The following CACNA2D2 variants were observed in gnomAD, a reference collection of about 807,000 sequenced individuals.
CACNA2D2 encodes the protein calcium voltage-gated channel auxiliary subunit alpha2delta 2.
CACNA2D2 carries 48 observed loss-of-function variants against 166.4 expected under a neutral mutation model. The observed-to-expected ratio is 0.29, with a 90% confidence interval of 0.23 to 0.37. The LOEUF is 0.37. Among genes scored for constraint, CACNA2D2 ranks in the 10% least tolerant of loss-of-function variants. The probability of loss-of-function intolerance (pLI) is 1.00; values close to 1 mark genes in which losing one functional copy is unlikely to be tolerated. For synonymous variants in CACNA2D2, 561 were observed against 573.7 expected, an observed-to-expected ratio of 0.98 and a Z score of 0.32; for missense variants, 1,122 against 1,433.0, an observed-to-expected ratio of 0.78 and a Z score of 3.50.
chr3:50,432,819 A>G (rs955430003), intron 3 of CACNA2D2, among the ~76,000 whole-genome samples: 12 of 152,222 alleles, frequency 7.9e-5, no homozygotes, highest in African/African-American at 2.9e-4. Flanking sequence ...ACATAGGGAC[A>G]GGCAGGGGAT....
At chr3:50,501,854 C>T (rs1698977367) in intron 1 of CACNA2D2, among the ~76,000 whole-genome samples, 1 of 152,148 alleles carries the variant, frequency 6.6e-6, no homozygotes, top group African/African-American at 2.4e-5. Flanking sequence ...CCTGAACTTC[C>T]ATTCGATTCT....
chr3:50,482,343 C>A (rs1698088521), intron 1 of CACNA2D2, among the ~76,000 whole-genome samples: 1 of 152,216 alleles, frequency 6.6e-6, no homozygotes, highest in South Asian at 2.1e-4. Context: ...GGGTGGATGT[C>A]CCTCTATACC....
intron 2 of CACNA2D2, among the ~76,000 whole-genome samples, chr3:50,450,076 G>C (rs1378836448): frequency 1.3e-5 from 2 of 152,134 alleles, no homozygotes; most frequent in Non-Finnish European, 2.9e-5. Flanking sequence ...GCTAAAGGTG[G>C]CCCCCAGGTC....
intron 3 of CACNA2D2, among the ~76,000 whole-genome samples, chr3:50,430,943 C>G (rs1343421260): frequency 6.6e-6 from 1 of 152,158 alleles, no homozygotes; most frequent in African/African-American, 2.4e-5. Context: ...CTGGCCTGCT[C>G]CCTCCTGACT....
rs532190841 is a variant in CACNA2D2, at chr3:50,423,716, G to A, written c.405+10597C>T. ...TCCCATTTGTCAAGGCACAGAGTGGGCAAACACAGGAGGCTGCAACAAAGG... is the reference window on the plus strand; with the variant it reads ...TCCCATTTGTCAAGGCACAGAGTGGACAAACACAGGAGGCTGCAACAAAGG... On this transcript the variant is annotated intron_variant, in intron 3 of 37. Coordinates refer to ENST00000424201, the MANE Select transcript of CACNA2D2 (RefSeq NM_006030.4). Among the ~76,000 whole-genome samples, 17 of 152,362 alleles carry A rather than the reference G, an allele frequency of 1.1e-4. No homozygotes were observed. In the South Asian group the frequency reaches 3.1e-3, roughly 28 times the overall value.
At chr3:50,450,556 A>G (rs555131344) in intron 2 of CACNA2D2, among the ~76,000 whole-genome samples, 1 of 152,344 alleles carries the variant, frequency 6.6e-6, no homozygotes, top group South Asian at 2.1e-4. Context: ...AGCACTTGGC[A>G]TCAGAGAAGA....
At chr3:50,465,286 T>C (rs2107030569) in intron 2 of CACNA2D2, among the ~76,000 whole-genome samples, 1 of 152,354 alleles carries the variant, frequency 6.6e-6, no homozygotes, top group South Asian at 2.1e-4. Context: ...TTCCCTGGTG[T>C]GAAAGTCCGT....
chr3:50,364,946 A>G lies in CACNA2D2; in HGVS notation c.3233T>C (p.Leu1078Pro). 6.2e-7 allele frequency: 1 copy of G among 1,612,900 alleles called. No homozygotes were observed. Among genetic ancestry groups the G allele is most frequent in the Non-Finnish European group, 8.5e-7 (1 of 1,179,776 alleles). ...THSDGPEQCE[L>P]VQRPRYRRGP... ...TCTCCGGTATCGCGGTCTCTGCACTAGCTCACACTGCTCCGGGCCGTCCGC... is the reference window on the plus strand; with the variant it reads ...TCTCCGGTATCGCGGTCTCTGCACTGGCTCACACTGCTCCGGGCCGTCCGC... The change falls in exon 37 of 38, where the codon CTA (leucine) becomes CCA (proline). Residue 1078 changes from leucine (L) to proline (P), a missense_variant. Around this residue, in one of 2 missense-constraint regions of CACNA2D2, gnomAD observed 282 missense variants for 266.2 expected, o/e 1.06. Transcript: ENST00000424201.
At chr3:50,416,604 C>T (rs1707276040) in intron 3 of CACNA2D2, among the ~76,000 whole-genome samples, 1 of 152,220 alleles carries the variant, frequency 6.6e-6, no homozygotes, top group Non-Finnish European at 1.5e-5. Flanking sequence ...GCCCCAGGGG[C>T]TGTGCAGAGG....
chr3:50,411,816 C>T (rs1707033287), intron 3 of CACNA2D2, among the ~76,000 whole-genome samples: 1 of 152,194 alleles, frequency 6.6e-6, no homozygotes. Context: ...GCAGCCTCTG[C>T]CTGTGGCCCC....
Position 50,394,085 on chromosome 3 carries a change from T to C in CACNA2D2, c.465+24A>G, listed in dbSNP as rs761835312. The C allele has an allele frequency of 9.3e-6, 15 of 1,610,524 alleles. No individual in the cohort carries two copies. The Middle Eastern group carries it at 4.9e-4, about 53-fold the overall frequency. On this transcript the variant is annotated intron_variant, in intron 4 of 37. Transcript: ENST00000424201. ...GCATGGATGGGCATGCCCTAAGTGC[T>C]GGGCAGGGTGCTGGGGTTCCTACCT...
chr3:50,477,297 C>T (rs1697828656), intron 1 of CACNA2D2, among the ~76,000 whole-genome samples: 1 of 152,172 alleles, frequency 6.6e-6, no homozygotes, highest in African/African-American at 2.4e-5. Flanking sequence ...TAATTTGGGG[C>T]CACCTTTCAG....
intron 5 of CACNA2D2, among the ~76,000 whole-genome samples, chr3:50,386,002 G>C (rs1220105111): frequency 6.6e-6 from 1 of 151,038 alleles, no homozygotes; most frequent in African/African-American, 2.4e-5. Context: ...TAATTTAAAA[G>C]TAAATGGTCT....
chr3:50,372,969 G>A, intron 22 of CACNA2D2: 3 of 936,272 alleles, frequency 3.2e-6, no homozygotes, highest in Admixed American at 2.1e-5. Context: ...TGGAGAGCAG[G>A]GGTTTGGCTG....
At chr3:50,468,638 G>A (rs185545067) in intron 2 of CACNA2D2, among the ~76,000 whole-genome samples, 6 of 152,016 alleles carry the variant, frequency 3.9e-5, no homozygotes, top group African/African-American at 1.2e-4. Flanking sequence ...GAGGGACAGA[G>A]AACCCAGGCA....
chr3:50,441,571 CTGT>C (rs535510352), intron 2 of CACNA2D2, among the ~76,000 whole-genome samples: 30 of 152,384 alleles, frequency 2.0e-4, no homozygotes, highest in African/African-American at 5.8e-4. Flanking sequence ...CAGAGCCTGC[CTGT>C]GAGGCCTGCC....
chr3:50,374,892 G>C, intron 21 of CACNA2D2, 79 bp from the exon 22 acceptor site: 1 of 1,161,882 alleles, frequency 8.6e-7, no homozygotes, highest in Non-Finnish European at 1.3e-6. Context: ...CTTGGAGCTG[G>C]GCAGAGGCCC....
chr3:50,415,298 G>A (rs116221126), intron 3 of CACNA2D2, among the ~76,000 whole-genome samples: 1 of 152,232 alleles, frequency 6.6e-6, no homozygotes, highest in South Asian at 2.1e-4. Context: ...TGTGCAGAGA[G>A]AGCTGAGCCC....
In CACNA2D2 at chr3:50,379,600, C is replaced by T. The variant is rs747341740; in HGVS notation, c.994-10G>A. On this transcript the variant is annotated splice_polypyrimidine_tract_variant and intron_variant, in intron 10 of 37. Coordinates refer to ENST00000424201, the MANE Select transcript of CACNA2D2 (RefSeq NM_006030.4). The surrounding 1 kb of genome is among the most constrained non-coding windows in gnomAD (Gnocchi z 6.5). The stretch of plus-strand genomic sequence containing the variant: ...GTGCCTTCTCGTTGAACTGCAGGAA[C>T]AGTAGGGTGGTGAGTGGCCTCAGGC... 25 of 1,613,764 alleles carry T rather than the reference C, an allele frequency of 1.5e-5. No individual in the cohort carries two copies. The highest frequency in any genetic ancestry group is 2.0e-5 in the Non-Finnish European group (24 of 1,179,944).
Sources: gnomAD v4.1 joint callset for allele counts (sites outside exome capture counted in the v4.1 genomes callset) on GRCh38, gnomAD v4.1.1 for gene constraint, gnomAD v4.1.1 regional missense constraint, Gnocchi (gnomAD v3.1) non-coding constraint, MANE v1.5 for transcripts, NCBI Gene and HGNC (gene_info 2026-07-23, HGNC 2026-07-21) for gene names.